The following PDZD2 variants were observed in gnomAD, a reference collection of about 807,000 sequenced individuals.
PDZD2 encodes PDZ domain containing 2.
In PDZD2, 90 loss-of-function variants were observed where a neutral mutation model predicts 220.7. That is an observed-to-expected ratio of 0.41 (90% confidence interval 0.34 to 0.49). The LOEUF is 0.49. Ranked by LOEUF, PDZD2 falls within the 20% of genes least tolerant of loss-of-function variation. The probability of loss-of-function intolerance (pLI) is 0.28; values close to 1 mark genes in which losing one functional copy is unlikely to be tolerated. For missense variants in PDZD2, 3,174 were observed against 3,608.5 expected (o/e 0.88, Z 3.08); for synonymous variants, 1,375 against 1,450.5 (o/e 0.95, Z 1.18).
chr5:32,078,340 T>C (rs936268920), intron 19 of PDZD2, among the ~76,000 whole-genome samples: 3 of 152,120 alleles, frequency 2.0e-5, no homozygotes, highest in Non-Finnish European at 2.9e-5. Context: ...TATCTCAGTA[T>C]TTATTTAGGT....
intron 13 of PDZD2, 41 bp downstream of exon 13, chr5:32,059,397 A>G (rs751864720): frequency 1.0e-6 from 1 of 1,004,002 alleles, no homozygotes; most frequent in Non-Finnish European, 1.6e-6. Context: ...TGGAGTGTTC[A>G]TAAATATGAA....
At chr5:32,081,288 G>A (rs1392443855) in intron 19 of PDZD2, among the ~76,000 whole-genome samples, 4 of 152,144 alleles carry the variant, frequency 2.6e-5, no homozygotes, top group Non-Finnish European at 1.5e-5. Flanking sequence ...TAGATAATGA[G>A]CCTTGAGAAA....
intron 3 of PDZD2, among the ~76,000 whole-genome samples, chr5:31,985,292 C>T (rs1388316316): frequency 2.6e-5 from 4 of 152,158 alleles, no homozygotes; most frequent in Non-Finnish European, 2.9e-5. Flanking sequence ...TATTGGCTCC[C>T]TTAATCATTT....
chr5:32,047,758 A>G (rs964537110), intron 7 of PDZD2, among the ~76,000 whole-genome samples: 2 of 152,230 alleles, frequency 1.3e-5, no homozygotes, highest in Non-Finnish European at 2.9e-5. Context: ...TTTAGACAAC[A>G]GAATGTGTTT....
chr5:32,054,410 A>G (rs1738902674), intron 10 of PDZD2, among the ~76,000 whole-genome samples: 1 of 141,166 alleles, frequency 7.1e-6, no homozygotes, highest in Non-Finnish European at 1.5e-5. Context: ...TGCAGCCTCA[A>G]CCCCCTGGGC....
intron 2 of PDZD2, among the ~76,000 whole-genome samples, chr5:31,893,723 A>G (rs1261962598): frequency 6.6e-6 from 1 of 151,992 alleles, no homozygotes; most frequent in Non-Finnish European, 1.5e-5. Context: ...TTCTTCTTAT[A>G]CTGGGGACTG....
intron 1 of PDZD2, among the ~76,000 whole-genome samples, chr5:31,771,156 T>C (rs1561446400): frequency 6.6e-6 from 1 of 152,234 alleles, no homozygotes; most frequent in East Asian, 1.9e-4. Context: ...TGACAACAGA[T>C]ATAGTTCTGC....
chr5:31,957,618 G>A (rs558483974), intron 2 of PDZD2, among the ~76,000 whole-genome samples: 2 of 152,144 alleles, frequency 1.3e-5, no homozygotes, highest in African/African-American at 4.8e-5. Flanking sequence ...AGACCAGGGG[G>A]TTGCCCATTA....
chr5:31,812,194 C>T (rs1382257362), intron 2 of PDZD2, among the ~76,000 whole-genome samples: 2 of 151,954 alleles, frequency 1.3e-5, no homozygotes, highest in Non-Finnish European at 2.9e-5. Context: ...TAGAAGTCAC[C>T]AGAAAATGGT....
intron 2 of PDZD2, chr5:31,908,699 G>T: frequency 9.3e-7 from 1 of 1,076,382 alleles, no homozygotes; most frequent in Non-Finnish European, 1.3e-6. Context: ...TTATGACAGG[G>T]GCTGCAGAGC....
At chr5:31,890,960 G>A (rs968774253) in intron 2 of PDZD2, among the ~76,000 whole-genome samples, 5 of 152,074 alleles carry the variant, frequency 3.3e-5, no homozygotes, top group Admixed American at 2.0e-4. Flanking sequence ...GGATAATTCC[G>A]ATGCTGTCAG....
chr5:31,709,375 C>T (rs113790708), intron 1 of PDZD2, among the ~76,000 whole-genome samples: 18 of 151,714 alleles, frequency 1.2e-4, no homozygotes, highest in African/African-American at 4.1e-4. Flanking sequence ...GTGATCCCAG[C>T]TACATGGAGG....
At chr5:31,935,935 A>T (rs897660890) in intron 2 of PDZD2, among the ~76,000 whole-genome samples, 95 of 152,286 alleles carry the variant, frequency 6.2e-4, no homozygotes, top group African/African-American at 2.1e-3. Context: ...GTCTGCTGGG[A>T]TATGATTTCC....
intron 1 of PDZD2, among the ~76,000 whole-genome samples, chr5:31,650,703 A>C (rs1243712624): frequency 6.6e-6 from 1 of 152,186 alleles, no homozygotes; most frequent in East Asian, 1.9e-4. Flanking sequence ...CCTTAAAGGG[A>C]AGGCAGAGAT....
chr5:32,002,522 GT>G (rs1294105002), intron 5 of PDZD2, among the ~76,000 whole-genome samples: 1 of 151,868 alleles, frequency 6.6e-6, no homozygotes, highest in Admixed American at 6.6e-5. Context: ...CTAGTTCATT[GT>G]TTTGCCAGAT....
intron 1 of PDZD2, among the ~76,000 whole-genome samples, chr5:31,763,161 TC>T (rs539746334): frequency 1.7e-4 from 26 of 152,326 alleles, no homozygotes; most frequent in African/African-American, 5.5e-4. Context: ...GCTGCAGGGC[TC>T]TGAGTCTAGC....
chr5:32,037,206 C>G (rs1175746950), intron 6 of PDZD2, 25 bp from the exon 7 acceptor site: 1 of 1,474,654 alleles, frequency 6.8e-7, no homozygotes, highest in South Asian at 1.1e-5. Context: ...GCTCTCCCAT[C>G]AGCTCTGTGC....
chr5:31,902,697 TA>T (rs1409225057), intron 2 of PDZD2, among the ~76,000 whole-genome samples: 1 of 150,122 alleles, frequency 6.7e-6, no homozygotes, highest in Admixed American at 6.6e-5. Flanking sequence ...CCGTCTCTAC[TA>T]AAAAAAATAA....
chr5:31,709,526 A>G (rs2150138074), intron 1 of PDZD2, among the ~76,000 whole-genome samples: 1 of 150,564 alleles, frequency 6.6e-6, no homozygotes, highest in Admixed American at 6.6e-5. Context: ...GGTGAGAGCT[A>G]GGGTTTGTCC....
Sources: gnomAD v4.1 joint callset for allele counts (sites outside exome capture counted in the v4.1 genomes callset) on GRCh38, gnomAD v4.1.1 for gene constraint, MANE v1.5 for transcripts, NCBI Gene and HGNC (gene_info 2026-07-23, HGNC 2026-07-21) for gene names.